SH2D5: variants seen among roughly 807,000 people sequenced by gnomAD.
The protein encoded by SH2D5 is SH2 domain containing 5.
SH2D5 carries 45 observed loss-of-function variants against 48.2 expected under a neutral mutation model. That is an observed-to-expected ratio of 0.93 (90% CI 0.73 to 1.20). The LOEUF is 1.20. Ranked by LOEUF, SH2D5 falls within the 50% of genes most tolerant of loss-of-function variation. The pLI is 0.00. For synonymous variants in SH2D5, 230 were observed against 249.8 expected (o/e 0.92, Z 0.75); for missense variants, 538 against 584.1 (o/e 0.92, Z 0.81).
At chr1:20,727,876 C>A (rs1262499668) in intron 2 of SH2D5, 82 bp downstream of exon 2, 26 of 1,139,368 alleles carry the variant, frequency 2.3e-5, no homozygotes, top group African/African-American at 4.6e-5. Context: ...AGGTCCTAGG[C>A]CCGCAGCACT....
rs747074553 is a variant in SH2D5, at chr1:20,724,498, C to G, written c.528G>C (p.Gly176=). ...EVPLKPLSSS[G]GLVREPFGRD... Reference sequence around the variant, plus strand: ...GGCCGAAGGGCTCCCGCACCAGGCCCCCAGAGCTGGACAGTGGCTTCAGGG... The same window carrying G: ...GGCCGAAGGGCTCCCGCACCAGGCCGCCAGAGCTGGACAGTGGCTTCAGGG... The change falls in exon 6 of 10, where the codon GGG becomes GGC. Residue 176 remains glycine, a synonymous_variant. Coordinates refer to ENST00000444387, the MANE Select transcript of SH2D5 (RefSeq NM_001103161.2). The G allele has an allele frequency of 1.2e-6, 2 of 1,612,716 alleles. No individual in the cohort carries two copies. The highest frequency in any genetic ancestry group is 1.7e-6 in the Non-Finnish European group (2 of 1,179,830).
chr1:20,727,884 A>C, intron 2 of SH2D5, 74 bp downstream of exon 2: 1 of 1,207,094 alleles, frequency 8.3e-7, no homozygotes, highest in East Asian at 2.5e-5. Context: ...GGCCCGCAGC[A>C]CTTCCCAATC....
rs1003418703 is a variant in SH2D5 at position 20,725,901 on chromosome 1, T to C, written c.390+19A>G. The C allele has an allele frequency of 3.7e-6, 6 of 1,611,784 alleles. No individual in the cohort carries two copies. The highest frequency in any genetic ancestry group is 3.3e-5 in the South Asian group (3 of 90,890). ...CCCTCCGGCCTCCGTGGCGGTCCCC[T>C]GCCTCAAGCCCCAGATACCTCTCCT... On this transcript the variant is annotated intron_variant, in intron 5 of 9. Coordinates refer to ENST00000444387, the MANE Select transcript of SH2D5 (RefSeq NM_001103161.2).
chr1:20,722,562 A>G (rs1172334325), intron 9 of SH2D5, among the ~76,000 whole-genome samples, 194 bp downstream of exon 9: 1 of 152,164 alleles, frequency 6.6e-6, no homozygotes, highest in Non-Finnish European at 1.5e-5. Context: ...AGCAGGGCCA[A>G]TGAGGAAGGA....
Position 20,724,389 on chromosome 1 carries a change from T to G in SH2D5, c.630+7A>C, listed in dbSNP as rs187127151. 1 of 1,611,866 alleles carries G rather than the reference T, an allele frequency of 6.2e-7. No individual in the cohort carries two copies. The highest frequency in any genetic ancestry group is 1.1e-5 in the South Asian group (1 of 91,016). On this transcript the variant is annotated splice_region_variant and intron_variant, in intron 6 of 9. Transcript: ENST00000444387. The stretch of plus-strand genomic sequence containing the variant: ...ACTGCCCACTCCTTGGCTGGGGTGC[T>G]GCGTACCCCACTGCCCACCAGCCCC...
intron 9 of SH2D5, 106 bp from the exon 10 acceptor site, chr1:20,722,101 G>T (rs1376363503): frequency 9.9e-7 from 1 of 1,014,994 alleles, no homozygotes; most frequent in South Asian, 1.6e-5. Flanking sequence ...AGCAGGGAAC[G>T]GAGCCCAGAG....
chr1:20,730,500 T>C (rs544617802), intron 1 of SH2D5, among the ~76,000 whole-genome samples: 9 of 152,264 alleles, frequency 5.9e-5, no homozygotes, highest in African/African-American at 1.4e-4. Context: ...CTGGCCCTCT[T>C]AGGGGCCCCA....
chr1:20,726,905 G>A (rs558169812), intron 4 of SH2D5, 96 bp downstream of exon 4: 163 of 1,055,496 alleles, frequency 1.5e-4, no homozygotes, highest in Non-Finnish European at 1.9e-4. Flanking sequence ...CACGGGGGCC[G>A]AGCTAAGGCC....
rs969464926 is a variant in SH2D5 at position 20,729,416 on chromosome 1, C to T, written c.-42-1330G>A. 5.3e-5 allele frequency among the ~76,000 whole-genome samples: 8 copies of T among 152,180 alleles called. No homozygotes were observed. The highest frequency in any genetic ancestry group is 3.9e-4 in the Admixed American group (6 of 15,284). On this transcript the variant is annotated intron_variant, in intron 1 of 9. Coordinates refer to ENST00000444387, the MANE Select transcript of SH2D5 (RefSeq NM_001103161.2). The surrounding 1 kb of genome is among the most constrained non-coding windows in gnomAD (Gnocchi z 4.2). ...ACTTTGGACCAGCTGCCTCAACCCTCTGAGCCTCCCCTTCCTCATCTGCAA... is the reference window on the plus strand; with the variant it reads ...ACTTTGGACCAGCTGCCTCAACCCTTTGAGCCTCCCCTTCCTCATCTGCAA...
In SH2D5 at chr1:20,725,900, C is replaced by CT; in HGVS notation, c.390+19dup. 1 of 1,611,678 alleles carries CT rather than the reference C, an allele frequency of 6.2e-7. No individual in the cohort carries two copies. The highest frequency in any genetic ancestry group is 8.5e-7 in the Non-Finnish European group (1 of 1,179,460). On this transcript the variant is annotated intron_variant, in intron 5 of 9. Coordinates refer to ENST00000444387, the MANE Select transcript of SH2D5 (RefSeq NM_001103161.2). Reference sequence around the variant, plus strand: ...CCCCTCCGGCCTCCGTGGCGGTCCCCTGCCTCAAGCCCCAGATACCTCTCC... The same window carrying CT: ...CCCCTCCGGCCTCCGTGGCGGTCCCCTTGCCTCAAGCCCCAGATACCTCTCC...
rs1458890065 is a variant in SH2D5 at position 20,727,088 on chromosome 1, G to T, written c.169-13C>A. 2 of 1,605,940 alleles carry T rather than the reference G, an allele frequency of 1.2e-6. No homozygotes were observed. The highest frequency in any genetic ancestry group is 1.3e-5 in the African/African-American group (1 of 74,820). ...GTCGGGGACAGTCCTGGGTGGAAAA[G>T]AGTAGTGGGGACAGGCACCACCTCC... On this transcript the variant is annotated splice_polypyrimidine_tract_variant and intron_variant, in intron 3 of 9. Transcript: ENST00000444387.
At position 20,729,173 on chromosome 1, in the gene SH2D5, G is replaced by A. The variant is rs2054862788; in HGVS notation, c.-42-1087C>T. Among the ~76,000 whole-genome samples, 1 of 152,214 alleles carries A rather than the reference G, an allele frequency of 6.6e-6. No individual in the cohort carries two copies. The highest frequency in any genetic ancestry group is 2.1e-4 in the South Asian group (1 of 4,834). On this transcript the variant is annotated intron_variant, in intron 1 of 9. Transcript: ENST00000444387. This position sits in a 1 kb window ranked among gnomAD's most constrained non-coding sequence, Gnocchi z 4.2. The stretch of plus-strand genomic sequence containing the variant: ...CCCATGAGAGCCCAGGACACAGCTG[G>A]TGTTCAATTAATGTGGAATTAACAT...
At position 20,721,713 on chromosome 1, in the gene SH2D5, G is replaced by T. The variant is rs117751687; in HGVS notation, c.*79C>A. 133 of 1,323,266 alleles carry T rather than the reference G, an allele frequency of 1.0e-4. 1 individual carries two copies. In the East Asian group the frequency reaches 2.2e-3, roughly 22 times the overall value. 82.0% of individuals were successfully genotyped at this position (1,323,266 alleles called of 1,614,324 possible). A position where few individuals can be genotyped will look rare whatever the true frequency, so the allele number is the denominator to read the frequency against. On this transcript the variant is annotated 3_prime_UTR_variant, in exon 10 of 10. Transcript: ENST00000444387. ...GACTGGATGGAACTGGCAACCAGAG[G>T]GGTGCAGGACGGGCAGAGATGCTGC... is the stretch of plus-strand genomic sequence containing the variant.
Position 20,721,123 on chromosome 1 carries a change from G to A in SH2D5, c.*669C>T, listed in dbSNP as rs637990. Reference sequence around the variant, plus strand: ...GATTCTTGGCCCTGTCTGCTGGTGCGCATCCCTTTCTGCACACAGGAGTCC... The same window carrying A: ...GATTCTTGGCCCTGTCTGCTGGTGCACATCCCTTTCTGCACACAGGAGTCC... On this transcript the variant is annotated 3_prime_UTR_variant, in exon 10 of 10. Transcript: ENST00000444387. The A allele has an allele frequency of 0.33, 50,122 of 153,430 alleles. 9,582 individuals are homozygous for A. The highest frequency in any genetic ancestry group is 0.43 in the Non-Finnish European group (29,599 of 68,290). The allele number at this position is 153,430 out of a possible 1,614,324, so 9.5% of individuals were successfully genotyped here.
rs868776696 is a variant in SH2D5, at chr1:20,721,618, G to A, written c.*174C>T. The A allele has an allele frequency of 1.7e-6, 1 of 573,946 alleles. No individual in the cohort carries two copies. The highest frequency in any genetic ancestry group is 3.1e-5 in the South Asian group (1 of 32,764). 35.6% of individuals were successfully genotyped at this position (573,946 alleles called of 1,614,324 possible). A position where few individuals can be genotyped will look rare whatever the true frequency, so the allele number is the denominator to read the frequency against. On this transcript the variant is annotated 3_prime_UTR_variant, in exon 10 of 10. Coordinates refer to ENST00000444387, the MANE Select transcript of SH2D5 (RefSeq NM_001103161.2). ...CCACATGTTCTCCAAGAAGCCATTG[G>A]CGATACCCACCCTCAGGGCTCCCCT...
Position 20,725,115 on chromosome 1 carries a change from G to A in SH2D5, c.391-480C>T, listed in dbSNP as rs527819739. ...CCCCACCTCCCTGTGCCCCTTTGAG[G>A]AGTCAGTGAAATAGAGCACAGGAAG... On this transcript the variant is annotated intron_variant, in intron 5 of 9. Transcript: ENST00000444387. Among the ~76,000 whole-genome samples the A allele has an allele frequency of 2.6e-4, 40 of 152,332 alleles. 2 individuals carry two copies. The South Asian group carries it at 7.0e-3, about 27-fold the overall frequency.
intron 5 of SH2D5, 93 bp downstream of exon 5, chr1:20,725,827 C>A (rs566179557): frequency 4.0e-6 from 6 of 1,506,380 alleles, no homozygotes; most frequent in Non-Finnish European, 5.4e-6. Context: ...GGGATCAGGC[C>A]GCCCTGGCAA....
Position 20,728,080 on chromosome 1 carries a change from G to T in SH2D5, c.-36C>A, listed in dbSNP as rs747737002. The T allele has an allele frequency of 6.8e-7, 1 of 1,460,008 alleles. No homozygotes were observed. Among genetic ancestry groups the T allele is most frequent in the Admixed American group, 2.0e-5 (1 of 50,452 alleles). 90.4% of individuals were successfully genotyped at this position (1,460,008 alleles called of 1,614,324 possible). A position where few individuals can be genotyped will look rare whatever the true frequency, so the allele number is the denominator to read the frequency against. ...GTGCCTGGCTTCCAGCTCCACGGGA[G>T]GGGAGGCTGCAAAGGGCAGGGGGGG... On this transcript the variant is annotated 5_prime_UTR_variant, in exon 2 of 10. Coordinates refer to ENST00000444387, the MANE Select transcript of SH2D5 (RefSeq NM_001103161.2). This position sits in a 1 kb window ranked among gnomAD's most constrained non-coding sequence, Gnocchi z 4.3.
At chr1:20,731,880 C>T (rs2054917656) in intron 1 of SH2D5, among the ~76,000 whole-genome samples, 1 of 152,074 alleles carries the variant, frequency 6.6e-6, no homozygotes, top group South Asian at 2.1e-4. Flanking sequence ...GAGGAGGCTA[C>T]AGTGGCAGGG....
Sources: allele counts gnomAD v4.1 joint callset (sites outside exome capture counted in the v4.1 genomes callset), GRCh38; gene constraint gnomAD v4.1.1; non-coding constraint Gnocchi (gnomAD v3.1); transcripts MANE v1.5; gene names NCBI Gene and HGNC (gene_info 2026-07-23, HGNC 2026-07-21).